SVEP1: variants seen among roughly 807,000 people sequenced by gnomAD.
The protein encoded by SVEP1 is sushi, von Willebrand factor type A, EGF and pentraxin domain containing 1, also known as sushi, von Willebrand factor type A, EGF and pentraxin domain-containing protein 1.
In SVEP1, 164 loss-of-function variants were observed where a neutral mutation model predicts 367.3. That is an observed-to-expected ratio of 0.45 (90% confidence interval 0.39 to 0.51). The LOEUF (loss-of-function observed/expected upper bound fraction) is 0.51. Ranked by LOEUF, SVEP1 falls within the 20% of genes least tolerant of loss-of-function variation. The pLI is 0.00. For missense variants in SVEP1, 4,117 were observed against 4,425.3 expected (o/e 0.93, Z 1.98); for synonymous variants, 1,666 against 1,611.6 (o/e 1.03, Z -0.81).
intron 1 of SVEP1, among the ~76,000 whole-genome samples, chr9:110,569,674 A>G (rs1365793278): frequency 6.6e-6 from 1 of 152,108 alleles, no homozygotes; most frequent in African/African-American, 2.4e-5. Context: ...TTTTTTCTCT[A>G]TTTATCTTGT....
intron 1 of SVEP1, among the ~76,000 whole-genome samples, chr9:110,564,646 AGTTT>A (rs1334154604): frequency 6.6e-6 from 1 of 151,942 alleles, no homozygotes; most frequent in Non-Finnish European, 1.5e-5. Context: ...GACATTTGGA[AGTTT>A]GTTTCATTTT....
chr9:110,573,700 G>C (rs1830592060), intron 1 of SVEP1, among the ~76,000 whole-genome samples: 1 of 152,164 alleles, frequency 6.6e-6, no homozygotes, highest in African/African-American at 2.4e-5. Flanking sequence ...GGCATTCACA[G>C]TGGGACCAAT....
chr9:110,405,055 A>G (rs1259081366), intron 38 of SVEP1, among the ~76,000 whole-genome samples: 1 of 152,084 alleles, frequency 6.6e-6, no homozygotes, highest in Non-Finnish European at 1.5e-5. Context: ...AACCGGTAAT[A>G]ACCAGATCAG....
chr9:110,482,874 T>A (rs13297384), intron 10 of SVEP1, among the ~76,000 whole-genome samples: 9,533 of 152,324 alleles, frequency 0.063, 415 homozygotes, highest in Non-Finnish European at 0.087. Flanking sequence ...TTTCATGTCC[T>A]ACTTATGCAA....
Position 110,550,170 on chromosome 9 carries a change from T to C in SVEP1, c.532-66A>G. On this transcript the variant is annotated intron_variant, in intron 1 of 47. Transcript: ENST00000374469. The stretch of plus-strand genomic sequence containing the variant: ...CTTGCCTACTGTGTGCTTCTCTTCT[T>C]ACGTAAGGCAGTACTTGCAAAGATC... The C allele has an allele frequency of 2.5e-6, 4 of 1,583,050 alleles. No individual in the cohort carries two copies. The South Asian group carries it at 4.6e-5, about 18-fold the overall frequency.
chr9:110,440,702 G>T (rs1828499126), intron 27 of SVEP1, among the ~76,000 whole-genome samples: 1 of 152,174 alleles, frequency 6.6e-6, no homozygotes, highest in Admixed American at 6.5e-5. Context: ...GGAAGATATA[G>T]AGAGTTTCTA....
In SVEP1 at chr9:110,437,125, A is replaced by G. The variant is rs542195653; in HGVS notation, c.4640-621T>C. On this transcript the variant is annotated intron_variant, in intron 27 of 47. Coordinates refer to ENST00000374469, the MANE Select transcript of SVEP1 (RefSeq NM_153366.4). ...CCCAAAGGTTGTCCCCGTGAGCTGC[A>G]TCACCCAGCTTCCTTGCCCCGTCTT... 1.2e-4 allele frequency among the ~76,000 whole-genome samples: 18 copies of G among 152,252 alleles called. No individual in the cohort carries two copies. In the East Asian group the frequency reaches 2.5e-3, roughly 21 times the overall value.
intron 5 of SVEP1, among the ~76,000 whole-genome samples, chr9:110,511,045 G>A (rs1202026913): frequency 6.6e-6 from 1 of 152,146 alleles, no homozygotes; most frequent in African/African-American, 2.4e-5. Flanking sequence ...GCCAACAAAG[G>A]GGCCTAAGGC....
chr9:110,539,502 T>C (rs1167775865), intron 3 of SVEP1, among the ~76,000 whole-genome samples: 2 of 151,982 alleles, frequency 1.3e-5, no homozygotes, highest in African/African-American at 4.8e-5. Context: ...TCCTTCTGAG[T>C]ATTAGGTTGA....
chr9:110,540,568 A>G (rs1830131890), intron 3 of SVEP1, among the ~76,000 whole-genome samples: 1 of 152,186 alleles, frequency 6.6e-6, no homozygotes, highest in African/African-American at 2.4e-5. Context: ...CTTAAGGAGT[A>G]ATGTAACATC....
intron 35 of SVEP1, 23 bp downstream of exon 35, chr9:110,429,120 T>G (rs761757886): frequency 1.3e-6 from 2 of 1,519,374 alleles, no homozygotes. Flanking sequence ...GTAGAAAGCT[T>G]GGTTGGTGTC....
At chr9:110,522,764 G>T (rs1352894294) in intron 3 of SVEP1, among the ~76,000 whole-genome samples, 1 of 152,038 alleles carries the variant, frequency 6.6e-6, no homozygotes, top group Non-Finnish European at 1.5e-5. Context: ...GCTGTAGTTG[G>T]CTTTGATATT....
chr9:110,404,444 G>C lies in SVEP1; in HGVS notation c.9549C>G (p.Leu3183=). Residue 3183 remains leucine (L), a synonymous_variant, in exon 39 of 48, where the codon CTC becomes CTG. Coordinates refer to ENST00000374469, the MANE Select transcript of SVEP1 (RefSeq NM_153366.4). ...RISCSPKKCP[L]PENITHILVH... Reference sequence around the variant, plus strand: ...CAAGTATATGTGTTATGTTTTCCGGGAGAGGACATTTTTTAGGACTGCAGG... The same window carrying C: ...CAAGTATATGTGTTATGTTTTCCGGCAGAGGACATTTTTTAGGACTGCAGG... The C allele has an allele frequency of 6.2e-7, 1 of 1,613,996 alleles. No individual in the cohort carries two copies. Among genetic ancestry groups the C allele is most frequent in the Non-Finnish European group, 8.5e-7 (1 of 1,179,892 alleles).
intron 47 of SVEP1, among the ~76,000 whole-genome samples, 156 bp from the exon 48 acceptor site, chr9:110,366,716 A>G (rs1029210729): frequency 1.3e-5 from 2 of 152,216 alleles, no homozygotes; most frequent in East Asian, 1.9e-4. Context: ...ATTCTTTGAG[A>G]TAACTAAGAG....
chr9:110,570,368 T>C (rs1830540820), intron 1 of SVEP1, among the ~76,000 whole-genome samples: 1 of 152,180 alleles, frequency 6.6e-6, no homozygotes, highest in South Asian at 2.1e-4. Flanking sequence ...GTATACAATT[T>C]TCCCTGTCTC....
At position 110,465,881 on chromosome 9, in the gene SVEP1, G is replaced by A. The variant is rs555396005; in HGVS notation, c.3306C>T (p.Asn1102=). ...NTSTVKRGAV[N]ISACGVPCPE... is the part of the protein sequence containing the mutation. ...TTTGATAACCTCCACATGCAGAAAT[G>A]TTCACGGCTCCTCTTTTCACAGTTG... The change falls in exon 18 of 48, where the codon AAC becomes AAT. Residue 1102 remains asparagine (N), a synonymous_variant. Coordinates refer to ENST00000374469, the MANE Select transcript of SVEP1 (RefSeq NM_153366.4). 26 of 1,613,004 alleles carry A rather than the reference G, an allele frequency of 1.6e-5. No homozygotes were observed. The East Asian group carries it at 3.8e-4, about 24-fold the overall frequency.
chr9:110,451,124 A>C (rs1488626762), intron 23 of SVEP1, among the ~76,000 whole-genome samples, 165 bp downstream of exon 23: 1 of 151,772 alleles, frequency 6.6e-6, no homozygotes, highest in Admixed American at 6.6e-5. Flanking sequence ...TTTACCCCAA[A>C]CCCCTCAGTG....
At chr9:110,380,240 T>A (rs1827413918) in intron 43 of SVEP1, among the ~76,000 whole-genome samples, 1 of 152,182 alleles carries the variant, frequency 6.6e-6, no homozygotes, top group African/African-American at 2.4e-5. Flanking sequence ...AGCCTCAAGA[T>A]AATTAGAATT....
chr9:110,443,103 C>G (rs1404256998), intron 27 of SVEP1: 4 of 152,918 alleles, frequency 2.6e-5, no homozygotes, highest in Admixed American at 2.6e-4. Context: ...ATTCTTCAAA[C>G]TAAAACTCCT....
Sources: gnomAD v4.1 joint callset for allele counts (sites outside exome capture counted in the v4.1 genomes callset) on GRCh38, gnomAD v4.1.1 for gene constraint, MANE v1.5 for transcripts, NCBI Gene and HGNC (gene_info 2026-07-23, HGNC 2026-07-21) for gene names.